The following LINGO2 variants were observed in gnomAD, a reference collection of about 807,000 sequenced individuals.
The protein encoded by LINGO2 is leucine-rich repeat and immunoglobulin-like domain-containing nogo receptor-interacting protein 2.
Under a neutral mutation model 30.6 loss-of-function variants are expected in LINGO2, and 14 were observed. The observed-to-expected ratio is 0.46, with a 90% CI of 0.30 to 0.72. The LOEUF (loss-of-function observed/expected upper bound fraction) is 0.72. Among genes scored for constraint, LINGO2 ranks in the 30% least tolerant of loss-of-function variants. LINGO2 has a pLI of 0.07. For synonymous variants in LINGO2, 317 were observed against 288.5 expected, an observed-to-expected ratio of 1.10 and a Z score of -1.00; for missense variants, 729 against 751.7, an observed-to-expected ratio of 0.97 and a Z score of 0.35.
chr9:28,672,193 G>A (rs899020056), upstream of LINGO2, among the ~76,000 whole-genome samples: 1 of 152,062 alleles, frequency 6.6e-6, no homozygotes, highest in Admixed American at 6.6e-5. Context: ...ATTCATATGT[G>A]CAGAATAGTA....
Position 28,224,910 on chromosome 9 carries a change from A to G in LINGO2, c.-87+70298T>C, listed in dbSNP as rs190564314. On this transcript the variant is annotated intron_variant, in intron 4 of 5. Transcript: ENST00000379992. ...AGCTATAGTACAAAAACAGCAACAT[A>G]AAAACAGACACATAGACCAATGGAA... is the stretch of plus-strand genomic sequence containing the variant. Among the ~76,000 whole-genome samples the G allele has an allele frequency of 5.9e-4, 90 of 152,284 alleles. No individual in the cohort carries two copies. In the East Asian group the frequency reaches 0.017, roughly 29 times the overall value.
the LINGO2 span, among the ~76,000 whole-genome samples, chr9:28,692,223 C>A: frequency 6.6e-6 from 1 of 152,066 alleles, no homozygotes; most frequent in Non-Finnish European, 1.5e-5. Context: ...ACCTGTAATC[C>A]TAGCACTTTA....
At chr9:29,062,379 T>C in the LINGO2 span, among the ~76,000 whole-genome samples, 14 of 152,110 alleles carry the variant, frequency 9.2e-5, no homozygotes, top group African/African-American at 3.4e-4. Context: ...AAAGAGATAT[T>C]TGCACACCCA....
the LINGO2 span, among the ~76,000 whole-genome samples, chr9:28,862,071 C>T: frequency 6.6e-6 from 1 of 151,942 alleles, no homozygotes; most frequent in South Asian, 2.1e-4. Context: ...TTTACAGGTG[C>T]CCCCTTTCAT....
At chr9:29,117,265 A>G in the LINGO2 span, among the ~76,000 whole-genome samples, 1 of 152,172 alleles carries the variant, frequency 6.6e-6, no homozygotes, top group South Asian at 2.1e-4. Context: ...ATGTGGGCTC[A>G]GTTCAGTTGT....
At chr9:28,211,710 ACT>A (rs1284125155) in intron 4 of LINGO2, among the ~76,000 whole-genome samples, 3 of 151,076 alleles carry the variant, frequency 2.0e-5, no homozygotes, top group Admixed American at 6.6e-5. Flanking sequence ...TGTGATTCAC[ACT>A]CTCTCTCTTT....
the LINGO2 span, among the ~76,000 whole-genome samples, chr9:28,695,775 G>A: frequency 1.3e-5 from 2 of 150,728 alleles, no homozygotes; most frequent in Admixed American, 6.6e-5. Flanking sequence ...AAGAATGAGA[G>A]GATATTACTT....
chr9:28,722,149 C>T, the LINGO2 span, among the ~76,000 whole-genome samples: 1 of 151,872 alleles, frequency 6.6e-6, no homozygotes, highest in Non-Finnish European at 1.5e-5. Flanking sequence ...CAAGAAATGA[C>T]ATAAACATGT....
intron 1 of LINGO2, among the ~76,000 whole-genome samples, chr9:28,492,579 T>G (rs1229021845): frequency 6.6e-6 from 1 of 152,186 alleles, no homozygotes; most frequent in African/African-American, 2.4e-5. Context: ...TTACAAATCA[T>G]TCTGGGTCTT....
chr9:28,994,632 C>CA, the LINGO2 span, among the ~76,000 whole-genome samples: 1 of 151,650 alleles, frequency 6.6e-6, no homozygotes, highest in Admixed American at 6.6e-5. Context: ...TACAAGGCTA[C>CA]AGTCACCAAA....
intron 4 of LINGO2, among the ~76,000 whole-genome samples, chr9:28,201,171 C>G (rs2133820926): frequency 6.7e-6 from 1 of 150,024 alleles, no homozygotes; most frequent in Admixed American, 6.7e-5. Context: ...TGGTGCGCTG[C>G]ACCCACTAAC....
At chr9:29,160,617 C>T in the LINGO2 span, among the ~76,000 whole-genome samples, 26 of 152,104 alleles carry the variant, frequency 1.7e-4, no homozygotes, top group African/African-American at 4.8e-4. Flanking sequence ...GAGAATGTTA[C>T]GATTGCAGAA....
chr9:28,300,521 A>T (rs1824101989), intron 3 of LINGO2, among the ~76,000 whole-genome samples: 1 of 152,100 alleles, frequency 6.6e-6, no homozygotes, highest in Admixed American at 6.5e-5. Context: ...CATTTTCTCA[A>T]AATGAGGCAT....
At chr9:28,781,473 C>A in the LINGO2 span, among the ~76,000 whole-genome samples, 1 of 152,232 alleles carries the variant, frequency 6.6e-6, no homozygotes, top group Admixed American at 6.5e-5. Flanking sequence ...CAAATAATAG[C>A]AAAACAAAAT....
chr9:28,327,347 G>A (rs1270292235), intron 3 of LINGO2, among the ~76,000 whole-genome samples: 1 of 152,130 alleles, frequency 6.6e-6, no homozygotes, highest in Non-Finnish European at 1.5e-5. Context: ...AAGTCGGCAG[G>A]AAGAAGTCCC....
At chr9:28,289,114 C>G (rs1823625244) in intron 4 of LINGO2, among the ~76,000 whole-genome samples, 1 of 151,990 alleles carries the variant, frequency 6.6e-6, no homozygotes, top group South Asian at 2.1e-4. Context: ...TTCTGAGAAA[C>G]AGAATTAGGA....
intron 2 of LINGO2, among the ~76,000 whole-genome samples, chr9:28,467,112 G>A (rs1351923891): frequency 4.0e-5 from 6 of 151,082 alleles, no homozygotes; most frequent in Non-Finnish European, 1.5e-5. Flanking sequence ...TGCAAGCTCC[G>A]CCTCCTGGGT....
At chr9:28,964,539 G>A in the LINGO2 span, among the ~76,000 whole-genome samples, 2 of 151,966 alleles carry the variant, frequency 1.3e-5, no homozygotes, top group South Asian at 2.1e-4. Context: ...AAGAGCTGGG[G>A]TGTTATTCTG....
At chr9:28,630,442 T>G (rs1474008544) in intron 1 of LINGO2, among the ~76,000 whole-genome samples, 7 of 152,120 alleles carry the variant, frequency 4.6e-5, no homozygotes, top group African/African-American at 1.7e-4. Context: ...ACAATTTCAC[T>G]TTTTGTCACT....
Sources: gnomAD v4.1 joint callset for allele counts (sites outside exome capture counted in the v4.1 genomes callset) on GRCh38, gnomAD v4.1.1 for gene constraint, MANE v1.5 for transcripts, NCBI Gene and HGNC (gene_info 2026-07-23, HGNC 2026-07-21) for gene names.